SGCZ: variants seen among roughly 807,000 people sequenced by gnomAD.
SGCZ encodes the protein sarcoglycan zeta.
A neutral mutation model predicts 41.3 loss-of-function variants in SGCZ; 40 were observed. The ratio of observed to expected loss-of-function variants is 0.97; its 90% CI spans 0.75 to 1.26. The LOEUF is 1.26. Among genes scored for constraint, SGCZ ranks in the 50% most tolerant of loss-of-function variants. The probability of loss-of-function intolerance (pLI) is 0.00; values close to 1 mark genes in which losing one functional copy is unlikely to be tolerated. For synonymous variants in SGCZ, 206 were observed against 137.5 expected, an observed-to-expected ratio of 1.50 and a Z score of -3.49; for missense variants, 552 against 369.8, an observed-to-expected ratio of 1.49 and a Z score of -4.04.
chr8:15,188,773 A>T (rs1364522582), intron 1 of SGCZ, among the ~76,000 whole-genome samples: 1 of 152,176 alleles, frequency 6.6e-6, no homozygotes, highest in African/African-American at 2.4e-5. Context: ...TGCTTCCTTT[A>T]AGACATCCAT....
chr8:14,679,523 T>C (rs1229978966), intron 1 of SGCZ, among the ~76,000 whole-genome samples: 1 of 151,438 alleles, frequency 6.6e-6, no homozygotes, highest in Admixed American at 6.6e-5. Context: ...TATACACACA[T>C]ATATGTGCTT....
chr8:14,700,026 C>G (rs1330686153), intron 1 of SGCZ, among the ~76,000 whole-genome samples: 1 of 151,918 alleles, frequency 6.6e-6, no homozygotes, highest in Non-Finnish European at 1.5e-5. Flanking sequence ...ATTTGTTCAG[C>G]CACTGTGGAA....
intron 2 of SGCZ, among the ~76,000 whole-genome samples, chr8:14,540,533 G>T (rs991983449): frequency 2.0e-5 from 3 of 150,078 alleles, no homozygotes; most frequent in East Asian, 3.9e-4. Context: ...AGATTTTGGG[G>T]GTTGTTTCAA....
intron 2 of SGCZ, among the ~76,000 whole-genome samples, chr8:14,544,670 TG>T (rs1563399482): frequency 1.3e-5 from 2 of 151,918 alleles, no homozygotes; most frequent in Admixed American, 1.3e-4. Flanking sequence ...CTTACTAGGG[TG>T]GGGAAAACTC....
intron 2 of SGCZ, among the ~76,000 whole-genome samples, chr8:14,437,624 G>A (rs1479613747): frequency 6.6e-6 from 1 of 151,798 alleles, no homozygotes; most frequent in Non-Finnish European, 1.5e-5. Flanking sequence ...ATATCAAAGA[G>A]CATAAGCAAA....
At chr8:14,837,514 A>G (rs915076243) in intron 1 of SGCZ, among the ~76,000 whole-genome samples, 2 of 152,142 alleles carry the variant, frequency 1.3e-5, no homozygotes, top group Non-Finnish European at 1.5e-5. Flanking sequence ...CCGTTGCATC[A>G]GGTGTGTCCA....
chr8:14,454,330 A>G (rs1367210706), intron 2 of SGCZ, among the ~76,000 whole-genome samples: 1 of 152,182 alleles, frequency 6.6e-6, no homozygotes, highest in African/African-American at 2.4e-5. Flanking sequence ...TGAAGCCAAC[A>G]CGGGAAACAT....
In SGCZ at chr8:14,935,739, A is replaced by G. The variant is rs189667401; in HGVS notation, c.39+301846T>C. On this transcript the variant is annotated intron_variant, in intron 1 of 7. Coordinates refer to ENST00000382080, the MANE Select transcript of SGCZ (RefSeq NM_139167.4). ...AGAATAAAGTAACTTTTAAAAAGTCAGCAATTCCAATAACTATAAATTAAC... is the reference window on the plus strand; with the variant it reads ...AGAATAAAGTAACTTTTAAAAAGTCGGCAATTCCAATAACTATAAATTAAC... 4.1e-4 allele frequency among the ~76,000 whole-genome samples: 62 copies of G among 152,024 alleles called. 1 individual carries two copies. The highest frequency in any genetic ancestry group is 2.9e-3 in the Admixed American group (44 of 15,290).
intron 3 of SGCZ, among the ~76,000 whole-genome samples, chr8:14,321,785 G>C (rs1384041025): frequency 6.6e-6 from 1 of 151,968 alleles, no homozygotes; most frequent in Non-Finnish European, 1.5e-5. Context: ...TAAAATTGTT[G>C]ACTATATGAA....
intron 1 of SGCZ, among the ~76,000 whole-genome samples, chr8:15,207,079 G>A (rs2054057): frequency 0.78 from 118,821 of 152,154 alleles, 46,876 homozygotes; most frequent in Non-Finnish European, 0.83. Context: ...CACTGAAAAG[G>A]CAGTTGCTAG....
At chr8:14,972,666 G>A (rs781592077) in intron 1 of SGCZ, among the ~76,000 whole-genome samples, 7 of 151,590 alleles carry the variant, frequency 4.6e-5, no homozygotes, top group East Asian at 3.9e-4. Flanking sequence ...TTTTTATATC[G>A]TTATTTTAGA....
At chr8:14,288,405 T>C (rs1800716630) in intron 3 of SGCZ, among the ~76,000 whole-genome samples, 1 of 152,104 alleles carries the variant, frequency 6.6e-6, no homozygotes, top group Non-Finnish European at 1.5e-5. Flanking sequence ...TCCAAAAGGA[T>C]ATCTTGTATC....
intron 5 of SGCZ, among the ~76,000 whole-genome samples, chr8:14,155,768 A>G (rs1245908060): frequency 2.6e-5 from 4 of 151,842 alleles, no homozygotes; most frequent in Non-Finnish European, 4.4e-5. Context: ...GTTGCTTAAC[A>G]GAGTGATATT....
intron 5 of SGCZ, among the ~76,000 whole-genome samples, chr8:14,115,798 G>C (rs1480749204): frequency 6.6e-6 from 1 of 151,774 alleles, no homozygotes; most frequent in Non-Finnish European, 1.5e-5. Flanking sequence ...GTTTCTTTGG[G>C]GGGTGGGGGT....
At chr8:14,324,241 T>G (rs374433158) in intron 2 of SGCZ, 37 bp from the exon 3 acceptor site, 1 of 1,459,602 alleles carries the variant, frequency 6.9e-7, no homozygotes, top group Admixed American at 1.7e-5. Flanking sequence ...TTTAGGTTAA[T>G]TGGAGAATGA....
chr8:14,507,176 A>G (rs926794219), intron 2 of SGCZ, among the ~76,000 whole-genome samples: 1 of 141,614 alleles, frequency 7.1e-6, no homozygotes, highest in Non-Finnish European at 1.5e-5. Context: ...ACCATATCCA[A>G]TCTGCAAATC....
chr8:15,155,304 A>T (rs1799297054), intron 1 of SGCZ, among the ~76,000 whole-genome samples: 1 of 151,874 alleles, frequency 6.6e-6, no homozygotes, highest in African/African-American at 2.4e-5. Flanking sequence ...CACAAAAAAT[A>T]AATAAATAAG....
intron 1 of SGCZ, among the ~76,000 whole-genome samples, chr8:14,560,129 T>C (rs996861996): frequency 3.9e-5 from 6 of 152,080 alleles, no homozygotes; most frequent in African/African-American, 1.4e-4. Flanking sequence ...GGATGAGTTC[T>C]AGCATTTCAG....
intron 2 of SGCZ, among the ~76,000 whole-genome samples, chr8:14,466,301 G>A (rs955770545): frequency 2.4e-4 from 37 of 151,898 alleles, no homozygotes; most frequent in Admixed American, 9.9e-4. Flanking sequence ...TGCTCAATGC[G>A]TTGTGGTTTC....
Sources: gnomAD v4.1 joint callset for allele counts (sites outside exome capture counted in the v4.1 genomes callset) on GRCh38, gnomAD v4.1.1 for gene constraint, MANE v1.5 for transcripts, NCBI Gene and HGNC (gene_info 2026-07-23, HGNC 2026-07-21) for gene names.